Variants in OPALIN observed in about 807,000 individuals in gnomAD.
OPALIN encodes oligodendrocytic myelin paranodal and inner loop protein, also known as transmembrane protein 10.
A neutral mutation model predicts 17.8 loss-of-function variants in OPALIN; 15 were observed. The observed-to-expected ratio is 0.84, with a 90% CI of 0.56 to 1.29. OPALIN has a LOEUF of 1.29. Ranked by LOEUF, OPALIN falls within the 50% of genes most tolerant of loss-of-function variation. The pLI is 0.00. For missense variants in OPALIN, 170 were observed against 176.0 expected, an observed-to-expected ratio of 0.97 and a Z score of 0.19; for synonymous variants, 62 against 63.8, an observed-to-expected ratio of 0.97 and a Z score of 0.14.
chr10:96,349,997 CAAAT>C (rs1845511953), intron 3 of OPALIN, among the ~76,000 whole-genome samples, 171 bp from the exon 4 acceptor site: 2 of 152,184 alleles, frequency 1.3e-5, no homozygotes, highest in Non-Finnish European at 2.9e-5. Flanking sequence ...ACACACATGA[CAAAT>C]GACTTACTTT....
chr10:96,356,396 C>A (rs1845820075), intron 1 of OPALIN, among the ~76,000 whole-genome samples: 1 of 152,200 alleles, frequency 6.6e-6, no homozygotes, highest in African/African-American at 2.4e-5. Context: ...AATCATGTTT[C>A]ACACCTGAAT....
intron 1 of OPALIN, among the ~76,000 whole-genome samples, chr10:96,358,381 C>G (rs1288834758): frequency 2.0e-5 from 3 of 152,136 alleles, no homozygotes; most frequent in Admixed American, 1.3e-4. Context: ...AAACCACAGT[C>G]CCTTTATCCA....
intron 5 of OPALIN, among the ~76,000 whole-genome samples, chr10:96,347,706 C>T (rs1355322767): frequency 6.6e-6 from 1 of 152,090 alleles, no homozygotes; most frequent in Non-Finnish European, 1.5e-5. Flanking sequence ...CTCCTGACCT[C>T]AGATGATTCA....
At chr10:96,357,658 G>A (rs1198734616) in intron 1 of OPALIN, among the ~76,000 whole-genome samples, 6 of 152,158 alleles carry the variant, frequency 3.9e-5, no homozygotes, top group African/African-American at 1.4e-4. Context: ...ATACCGTAAT[G>A]TCATCTGTGG....
rs574091400 is a variant in OPALIN, at chr10:96,346,400, A to G, written c.250-283T>C. Among the ~76,000 whole-genome samples the G allele has an allele frequency of 3.9e-5, 6 of 152,250 alleles. No individual in the cohort carries two copies. The East Asian group carries it at 1.2e-3, about 29-fold the overall frequency. On this transcript the variant is annotated intron_variant, in intron 5 of 5. Transcript: ENST00000371172. ...TTGTTTATTGTTAACAAAGTTTCTC[A>G]TTTTTTGTCTTTTAACTGTTAATCT...
rs11188730 is a variant in OPALIN at position 96,352,518 on chromosome 10, G to C, written c.40-1108C>G. On this transcript the variant is annotated intron_variant, in intron 2 of 5. Transcript: ENST00000371172. ...GGCACTGAAACTTGGTACTTAAATG[G>C]TTGTCCTTTGACCTAATCACAATCT... Among the ~76,000 whole-genome samples, 1,246 of 152,032 alleles carry C rather than the reference G, an allele frequency of 8.2e-3. 8 individuals carry two copies. The highest frequency in any genetic ancestry group is 0.027 in the African/African-American group (1,124 of 41,438).
chr10:96,351,371 T>C lies in OPALIN; in HGVS notation c.72+7A>G. 3 of 1,485,788 alleles carry C rather than the reference T, an allele frequency of 2.0e-6. No individual in the cohort carries two copies. The highest frequency in any genetic ancestry group is 1.8e-6 in the Non-Finnish European group (2 of 1,085,678). 92.0% of individuals were successfully genotyped at this position (1,485,788 alleles called of 1,614,324 possible). Reference sequence around the variant, plus strand: ...CCCCATTTTATAAATTTAAGTGATATAGTTACCGTTTCTTTCCCACCTGTG... The same window carrying C: ...CCCCATTTTATAAATTTAAGTGATACAGTTACCGTTTCTTTCCCACCTGTG... On this transcript the variant is annotated splice_region_variant and intron_variant, in intron 3 of 5. Transcript: ENST00000371172.
intron 1 of OPALIN, among the ~76,000 whole-genome samples, chr10:96,355,491 T>C (rs544516736): frequency 9.3e-4 from 142 of 152,160 alleles, no homozygotes; most frequent in Non-Finnish European, 1.8e-3. Flanking sequence ...TCCCTCAGCA[T>C]CAAGTCAGTC....
intron 1 of OPALIN, chr10:96,357,179 T>C (rs10786281): frequency 0.76 from 752,981 of 984,378 alleles, 289,048 homozygotes; most frequent in East Asian, 0.9. Flanking sequence ...TGCCCAGAGC[T>C]TTATCTCATC....
In OPALIN at chr10:96,351,373, G is replaced by C. The variant is rs1487425080; in HGVS notation, c.72+5C>G. ...CCATTTTATAAATTTAAGTGATATA[G>C]TTACCGTTTCTTTCCCACCTGTGAC... On this transcript the variant is annotated splice_donor_5th_base_variant and intron_variant, in intron 3 of 5. Coordinates refer to ENST00000371172, the MANE Select transcript of OPALIN (RefSeq NM_033207.5). The C allele has an allele frequency of 6.7e-7, 1 of 1,495,464 alleles. No individual in the cohort carries two copies. The highest frequency in any genetic ancestry group is 9.1e-7 in the Non-Finnish European group (1 of 1,094,596). 92.6% of individuals were successfully genotyped at this position (1,495,464 alleles called of 1,614,324 possible).
chr10:96,350,881 T>C (rs1845553400), intron 3 of OPALIN, among the ~76,000 whole-genome samples: 1 of 151,910 alleles, frequency 6.6e-6, no homozygotes, highest in South Asian at 2.1e-4. Context: ...TATTTAATAA[T>C]GGATTCACCT....
intron 1 of OPALIN, among the ~76,000 whole-genome samples, chr10:96,358,689 T>G (rs3814223): frequency 0.74 from 113,155 of 152,164 alleles, 42,621 homozygotes; most frequent in East Asian, 0.9. Context: ...GTATGTGGGG[T>G]TTTAAAAACA....
intron 2 of OPALIN, among the ~76,000 whole-genome samples, chr10:96,354,840 A>AATCCC (rs1399160007): frequency 1.3e-5 from 2 of 150,774 alleles, no homozygotes; most frequent in Non-Finnish European, 2.9e-5. Context: ...TCACACCTAT[A>AATCCC]ATCCCAGCAC....
rs762791701 is a variant in OPALIN, at chr10:96,351,408, C to T, written c.42G>A (p.Thr14=). Residue 14 remains threonine, a splice_region_variant and synonymous_variant, in exon 3 of 6, where the codon ACG becomes ACA. Transcript: ENST00000371172. ...CTTTCCCACCTGTGACAGGAGAGGA[C>T]GTCTGTATGGAAAAAGAACATATAT... ...SLNFTLPANT[T]SSPVTGGKET... is the part of the protein sequence containing the mutation. 29 of 1,538,474 alleles carry T rather than the reference C, an allele frequency of 1.9e-5. No homozygotes were observed. The highest frequency in any genetic ancestry group is 6.1e-5 in the South Asian group (5 of 81,932).
At chr10:96,352,725 G>A (rs1410634996) in intron 2 of OPALIN, among the ~76,000 whole-genome samples, 1 of 151,286 alleles carries the variant, frequency 6.6e-6, no homozygotes, top group African/African-American at 2.4e-5. Flanking sequence ...CTAAGAATAT[G>A]GGAGTGTCCC....
chr10:96,351,647 C>T (rs1203017800), intron 2 of OPALIN, among the ~76,000 whole-genome samples: 1 of 152,136 alleles, frequency 6.6e-6, no homozygotes, highest in Non-Finnish European at 1.5e-5. Context: ...TCATTATTCA[C>T]CCTGTGGATG....
intron 4 of OPALIN, among the ~76,000 whole-genome samples, chr10:96,349,244 G>A (rs912399697): frequency 2.0e-5 from 3 of 152,176 alleles, no homozygotes; most frequent in Non-Finnish European, 4.4e-5. Flanking sequence ...TGGCATTGGA[G>A]GGGTGGATTG....
intron 1 of OPALIN, among the ~76,000 whole-genome samples, chr10:96,357,545 C>T (rs1410090037): frequency 1.3e-5 from 2 of 151,908 alleles, no homozygotes; most frequent in African/African-American, 4.8e-5. Context: ...TCACTCAAAC[C>T]CTCTGGTCTC....
intron 2 of OPALIN, among the ~76,000 whole-genome samples, chr10:96,353,866 T>C (rs1354384619): frequency 6.6e-6 from 1 of 152,170 alleles, no homozygotes; most frequent in Admixed American, 6.5e-5. Flanking sequence ...GCAGAGCAAG[T>C]TGGGGAGGTT....
Sources: gnomAD v4.1 joint callset for allele counts (sites outside exome capture counted in the v4.1 genomes callset) on GRCh38, gnomAD v4.1.1 for gene constraint, MANE v1.5 for transcripts, NCBI Gene and HGNC (gene_info 2026-07-23, HGNC 2026-07-21) for gene names.